CFAP46: variants seen among roughly 807,000 people sequenced by gnomAD.
The protein encoded by CFAP46 is cilia- and flagella-associated protein 46.
In CFAP46, 245 loss-of-function variants were observed where a neutral mutation model predicts 325.7. That is an observed-to-expected ratio of 0.75 (90% CI 0.68 to 0.84). CFAP46 has a LOEUF of 0.84. Among genes scored for constraint, CFAP46 ranks in the 40% least tolerant of loss-of-function variants. The pLI is 0.00. For synonymous variants in CFAP46, 1,523 were observed against 1,495.9 expected (o/e 1.02, Z -0.42); for missense variants, 3,346 against 3,543.0 (o/e 0.94, Z 1.41).
chr10:132,942,173 C>T, intron 1 of CFAP46, 69 bp from the exon 2 acceptor site: 2 of 1,533,416 alleles, frequency 1.3e-6, no homozygotes, highest in East Asian at 2.5e-5. Context: ...GCAACGCCAT[C>T]CCGAAGGCCC....
intron 32 of CFAP46, chr10:132,872,388 C>T (rs779316972): frequency 2.8e-5 from 11 of 389,706 alleles, no homozygotes; most frequent in South Asian, 6.5e-5. Context: ...TGAGTAGTTG[C>T]GACAACAGGT....
chr10:132,918,662 G>A (rs1591090713), intron 15 of CFAP46, 142 bp from the exon 16 acceptor site: 3 of 1,135,500 alleles, frequency 2.6e-6, no homozygotes, highest in South Asian at 2.0e-5. Flanking sequence ...GTAGGCGGGA[G>A]GTGGGCAGCT....
At chr10:132,864,654 C>A (rs1245655515) in intron 35 of CFAP46, among the ~76,000 whole-genome samples, 5 of 145,780 alleles carry the variant, frequency 3.4e-5, no homozygotes, top group Non-Finnish European at 4.5e-5. Flanking sequence ...CTGAGACCTG[C>A]ACACACCTGT....
In CFAP46 at chr10:132,808,843, G is replaced by A. The variant is rs1482397501; in HGVS notation, c.7726C>T (p.His2576Tyr). The A allele has an allele frequency of 5.6e-6, 9 of 1,604,330 alleles. No individual in the cohort carries two copies. The highest frequency in any genetic ancestry group is 4.5e-5 in the East Asian group (2 of 44,616). Residue 2576 changes from histidine (H) to tyrosine (Y), a missense_variant, in exon 58 of 58, where the codon CAC (histidine) becomes TAC (tyrosine). By Grantham distance (83) the His-to-Tyr change is moderately conservative (BLOSUM62 2). Coordinates refer to ENST00000368586, the MANE Select transcript of CFAP46 (RefSeq NM_001200049.3). The surrounding 1 kb of genome is among the most constrained non-coding windows in gnomAD (Gnocchi z 6.8). ...AAAPKLRAPS[H>Y]HAQLGPVWAA... ...CATACAGGACCAAGTTGAGCGTGGT[G>A]GGAAGGAGCTCGGAGCTTTGGAGCA...
intron 7 of CFAP46, among the ~76,000 whole-genome samples, chr10:132,935,393 T>A (rs796208818): frequency 1.8e-4 from 23 of 128,418 alleles, no homozygotes; most frequent in South Asian, 5.1e-4. Flanking sequence ...ATCTCCTCAC[T>A]CCCCTCAGCA....
Position 132,869,909 on chromosome 10 carries a change from G to A in CFAP46, c.4512-537C>T, listed in dbSNP as rs1201294873. Among the ~76,000 whole-genome samples, 9 of 152,148 alleles carry A rather than the reference G, an allele frequency of 5.9e-5. No individual in the cohort carries two copies. The highest frequency in any genetic ancestry group is 2.1e-4 in the South Asian group (1 of 4,828). On this transcript the variant is annotated intron_variant, in intron 32 of 57. Transcript: ENST00000368586. This position sits in a 1 kb window ranked among gnomAD's most constrained non-coding sequence, Gnocchi z 6.2. ...CTCCCGGATCCTTCAGGGCACAGGC[G>A]CCTCCATTTATCAAACTGTGCTGTA...
intron 28 of CFAP46, 77 bp downstream of exon 28, chr10:132,880,784 G>A (rs571580734): frequency 2.6e-5 from 39 of 1,475,682 alleles, no homozygotes; most frequent in Non-Finnish European, 3.2e-5. Context: ...ACCCAACGGC[G>A]GTCCAGATCA....
chr10:132,822,002 CTG>C (rs199868664), intron 50 of CFAP46, among the ~76,000 whole-genome samples: 303 of 102,992 alleles, frequency 2.9e-3, no homozygotes, highest in Non-Finnish European at 3.9e-3. Flanking sequence ...CTTGTGTGTG[CTG>C]TGTGTGCTGA....
intron 50 of CFAP46, among the ~76,000 whole-genome samples, chr10:132,822,288 GTGC>G (rs1200849027): frequency 4.4e-5 from 6 of 135,606 alleles, no homozygotes; most frequent in South Asian, 2.5e-4. Flanking sequence ...GAGTGCTGGT[GTGC>G]TGATGTGTGC....
chr10:132,834,861 G>T, intron 47 of CFAP46, 86 bp from the exon 48 acceptor site: 2 of 1,487,254 alleles, frequency 1.3e-6, no homozygotes, highest in Non-Finnish European at 1.8e-6. Flanking sequence ...CAGAAAGGCC[G>T]AGCTCCTGCC....
At chr10:132,924,003 G>A (rs547387612) in intron 11 of CFAP46, among the ~76,000 whole-genome samples, 15 of 152,200 alleles carry the variant, frequency 9.9e-5, no homozygotes, top group African/African-American at 2.9e-4. Flanking sequence ...AGGGAGCGGG[G>A]GCTGAGCCGG....
intron 50 of CFAP46, among the ~76,000 whole-genome samples, chr10:132,825,439 C>A (rs894612250): frequency 6.6e-6 from 1 of 152,144 alleles, no homozygotes. Context: ...CAGGAGGAGC[C>A]TTTGGGAGGC....
chr10:132,858,956 G>C, intron 38 of CFAP46, 115 bp downstream of exon 38: 1 of 1,084,016 alleles, frequency 9.2e-7, no homozygotes, highest in Non-Finnish European at 1.3e-6. Flanking sequence ...GGGTCCTGTG[G>C]ACCCCGCGGG....
chr10:132,825,151 CTG>C (rs1239988036), intron 50 of CFAP46, among the ~76,000 whole-genome samples: 2 of 133,904 alleles, frequency 1.5e-5, no homozygotes, highest in South Asian at 2.3e-4. Flanking sequence ...GTGATGTGTG[CTG>C]TGTGTGCAGT....
intron 22 of CFAP46, among the ~76,000 whole-genome samples, chr10:132,904,183 G>T (rs1849425629): frequency 6.6e-6 from 1 of 152,362 alleles, no homozygotes; most frequent in East Asian, 1.9e-4. Context: ...TCTTACAAAG[G>T]CTGGTCGTCT....
At position 132,860,926 on chromosome 10, in the gene CFAP46, G is replaced by A; in HGVS notation, c.4947C>T (p.Ala1649=). 1 of 1,550,666 alleles carries A rather than the reference G, an allele frequency of 6.4e-7. No individual in the cohort carries two copies. The highest frequency in any genetic ancestry group is 8.7e-7 in the Non-Finnish European group (1 of 1,147,018). ...CTTGTCCATAGTTTTTCTCCTTGTT[G>A]GCCAACTGTGCGAGGAGGAGCAGGC... ...AQCLLLLAQL[A]NKEKNYGQAK... The change falls in exon 36 of 58, where the codon GCC becomes GCT. Residue 1649 remains alanine, a synonymous_variant. Coordinates refer to ENST00000368586, the MANE Select transcript of CFAP46 (RefSeq NM_001200049.3).
At chr10:132,867,656 A>T (rs1312998304) in intron 33 of CFAP46, 149 bp from the exon 34 acceptor site, 3 of 1,079,952 alleles carry the variant, frequency 2.8e-6, no homozygotes, top group Non-Finnish European at 3.9e-6. Context: ...CTCAGGATCT[A>T]ACGGCACATC....
In CFAP46 at chr10:132,884,960, G is replaced by A. The variant is rs895317777; in HGVS notation, c.3627+143C>T. ...CAGCAAGAGGAGTGCCCGGGGCCACGCGGTGCATTCTCTGTGCCCGTCAGC... is the reference window on the plus strand; with the variant it reads ...CAGCAAGAGGAGTGCCCGGGGCCACACGGTGCATTCTCTGTGCCCGTCAGC... On this transcript the variant is annotated intron_variant, in intron 27 of 57. Transcript: ENST00000368586. The surrounding 1 kb of genome is among the most constrained non-coding windows in gnomAD (Gnocchi z 5.4). 5.8e-6 allele frequency: 5 copies of A among 859,690 alleles called. No individual in the cohort carries two copies. The highest frequency in any genetic ancestry group is 1.9e-5 in the South Asian group (1 of 52,280). 53.3% of individuals were successfully genotyped at this position (859,690 alleles called of 1,614,324 possible).
rs1367087538 is a variant in CFAP46, at chr10:132,942,417, G to A, written c.49+19C>T. The A allele has an allele frequency of 3.7e-6, 5 of 1,362,432 alleles. No homozygotes were observed. The highest frequency in any genetic ancestry group is 3.7e-5 in the South Asian group (2 of 53,546). The allele number at this position is 1,362,432 out of a possible 1,614,324, so 84.4% of individuals were successfully genotyped here. On this transcript the variant is annotated intron_variant, in intron 1 of 57. Transcript: ENST00000368586. ...CCGGGGCCTCCCCGGGGCGGGGGTCGTGGCGGGCCTGGGGTCACCTTGCTG... is the reference window on the plus strand; with the variant it reads ...CCGGGGCCTCCCCGGGGCGGGGGTCATGGCGGGCCTGGGGTCACCTTGCTG...
Sources: gnomAD v4.1 joint callset for allele counts (sites outside exome capture counted in the v4.1 genomes callset) on GRCh38, gnomAD v4.1.1 for gene constraint, Gnocchi (gnomAD v3.1) non-coding constraint, MANE v1.5 for transcripts, NCBI Gene and HGNC (gene_info 2026-07-23, HGNC 2026-07-21) for gene names.